The following RIMBP2 variants were observed in gnomAD, a reference collection of about 807,000 sequenced individuals.
RIMBP2 encodes the protein RIMS binding protein 2.
Under a neutral mutation model 118.6 loss-of-function variants are expected in RIMBP2, and 48 were observed. The ratio of observed to expected loss-of-function variants is 0.40; its 90% CI spans 0.32 to 0.51. The LOEUF (loss-of-function observed/expected upper bound fraction) is 0.51. RIMBP2 is among the 20% of genes least tolerant of loss of function. The pLI, the probability that RIMBP2 is intolerant of heterozygous loss-of-function variation, is 0.41. For missense variants in RIMBP2, 1,551 were observed against 1,768.3 expected, an observed-to-expected ratio of 0.88 and a Z score of 2.20; for synonymous variants, 762 against 742.9, an observed-to-expected ratio of 1.03 and a Z score of -0.42.
At chr12:130,687,010 A>T (rs1051393277) in intron 1 of RIMBP2, among the ~76,000 whole-genome samples, 2 of 152,242 alleles carry the variant, frequency 1.3e-5, no homozygotes, top group African/African-American at 4.8e-5. Flanking sequence ...CCCGCTTCCA[A>T]ATAAAATCAC....
At chr12:130,425,630 C>T (rs998956685) in intron 15 of RIMBP2, 1 of 152,538 alleles carries the variant, frequency 6.6e-6, no homozygotes, top group Admixed American at 6.5e-5. Context: ...GTGTCCATGA[C>T]TTTTATACTG....
At chr12:130,404,221 TC>T (rs1376229142) in intron 21 of RIMBP2, among the ~76,000 whole-genome samples, 1 of 152,184 alleles carries the variant, frequency 6.6e-6, no homozygotes, top group Non-Finnish European at 1.5e-5. Context: ...CACACACTTT[TC>T]CAACATGTTT....
At chr12:130,663,758 C>G (rs903073239) in intron 1 of RIMBP2, among the ~76,000 whole-genome samples, 1 of 151,848 alleles carries the variant, frequency 6.6e-6, no homozygotes, top group East Asian at 1.9e-4. Context: ...TTTGGGTTCA[C>G]TGGCTTCCTG....
intron 5 of RIMBP2, among the ~76,000 whole-genome samples, chr12:130,477,338 G>C (rs1323066986): frequency 2.1e-5 from 3 of 144,684 alleles, no homozygotes; most frequent in Non-Finnish European, 4.7e-5. Flanking sequence ...GACAGTCTCT[G>C]TGTTTCTACA....
At chr12:130,451,389 G>T in intron 7 of RIMBP2, 49 bp from the exon 8 acceptor site, 5 of 1,558,976 alleles carry the variant, frequency 3.2e-6, no homozygotes, top group Non-Finnish European at 4.4e-6. Flanking sequence ...GAATAACATC[G>T]TCAAAGCACG....
At chr12:130,428,086 C>A (rs1301682753) in intron 15 of RIMBP2, 93 bp downstream of exon 15, 10 of 1,260,366 alleles carry the variant, frequency 7.9e-6, no homozygotes, top group Non-Finnish European at 1.1e-5. Flanking sequence ...GGGCAAGGCC[C>A]CTCTGGAGCC....
intron 1 of RIMBP2, among the ~76,000 whole-genome samples, chr12:130,702,993 C>A (rs2065932899): frequency 6.6e-6 from 1 of 152,182 alleles, no homozygotes; most frequent in Non-Finnish European, 1.5e-5. Context: ...GACAATGAGA[C>A]TGTGATTTCC....
intron 11 of RIMBP2, among the ~76,000 whole-genome samples, chr12:130,440,423 G>A (rs1382089535): frequency 6.6e-6 from 1 of 152,108 alleles, no homozygotes. Flanking sequence ...TTCCCACTCT[G>A]AGACCTCATT....
At chr12:130,600,137 T>C (rs1593980491) in intron 2 of RIMBP2, among the ~76,000 whole-genome samples, 1 of 152,176 alleles carries the variant, frequency 6.6e-6, no homozygotes, top group Non-Finnish European at 1.5e-5. Flanking sequence ...CTTCCTAAAA[T>C]GCATAAAATC....
At chr12:130,602,741 T>C (rs1234660295) in intron 2 of RIMBP2, among the ~76,000 whole-genome samples, 1 of 152,258 alleles carries the variant, frequency 6.6e-6, no homozygotes, top group Non-Finnish European at 1.5e-5. Flanking sequence ...GTGGTTCTGT[T>C]GCACCATATT....
intron 3 of RIMBP2, among the ~76,000 whole-genome samples, chr12:130,510,207 T>C (rs2050772896): frequency 6.6e-6 from 1 of 152,018 alleles, no homozygotes; most frequent in Non-Finnish European, 1.5e-5. Context: ...GAAGCTAGAG[T>C]CCAGCTGGCC....
At chr12:130,439,793 ATCTG>A (rs1328013450) in intron 11 of RIMBP2, among the ~76,000 whole-genome samples, 8 of 98,472 alleles carry the variant, frequency 8.1e-5, no homozygotes, top group South Asian at 3.7e-4. Flanking sequence ...GTGTATGTGT[ATCTG>A]TCTATGTGAG....
chr12:130,599,556 T>C (rs1410307899), intron 2 of RIMBP2, among the ~76,000 whole-genome samples: 1 of 152,064 alleles, frequency 6.6e-6, no homozygotes, highest in Non-Finnish European at 1.5e-5. Context: ...ACTCAAAATA[T>C]CATAATACCA....
intron 1 of RIMBP2, among the ~76,000 whole-genome samples, chr12:130,687,114 C>A (rs1012806412): frequency 6.6e-6 from 1 of 152,134 alleles, no homozygotes; most frequent in African/African-American, 2.4e-5. Context: ...AGGTCAGCGC[C>A]CAGATCCTGC....
At chr12:130,534,201 A>T (rs1272738729) in intron 2 of RIMBP2, among the ~76,000 whole-genome samples, 1 of 133,382 alleles carries the variant, frequency 7.5e-6, no homozygotes, top group African/African-American at 2.7e-5. Context: ...GAGTAGAATG[A>T]TAGACACTGG....
intron 1 of RIMBP2, among the ~76,000 whole-genome samples, chr12:130,690,032 C>T (rs567051476): frequency 9.2e-5 from 14 of 152,188 alleles, no homozygotes; most frequent in Admixed American, 6.5e-5. Context: ...CCCCGTGTCC[C>T]GCTGGTGCTG....
At chr12:130,524,965 C>T (rs77103948) in intron 2 of RIMBP2, among the ~76,000 whole-genome samples, 12,850 of 152,140 alleles carry the variant, frequency 0.084, 752 homozygotes, top group African/African-American at 0.16. Flanking sequence ...TGAGACCCCA[C>T]GTGAGGCCCG....
At chr12:130,516,457 A>T (rs1174147179) in intron 3 of RIMBP2, among the ~76,000 whole-genome samples, 1 of 152,216 alleles carries the variant, frequency 6.6e-6, no homozygotes, top group Non-Finnish European at 1.5e-5. Context: ...ACAAACACAT[A>T]AGTGAAGACC....
intron 17 of RIMBP2, among the ~76,000 whole-genome samples, chr12:130,421,209 C>G (rs547316238): frequency 9.2e-5 from 14 of 152,344 alleles, no homozygotes; most frequent in South Asian, 6.2e-4. Flanking sequence ...ATTTGAGAGA[C>G]ACACACTAGG....
Sources: allele counts gnomAD v4.1 joint callset (sites outside exome capture counted in the v4.1 genomes callset), GRCh38; gene constraint gnomAD v4.1.1; transcripts MANE v1.5; gene names NCBI Gene and HGNC (gene_info 2026-07-23, HGNC 2026-07-21).